Variants in P2RY12 observed in about 807,000 individuals in gnomAD.
P2RY12 encodes the protein P2Y purinoceptor 12.
Under a neutral mutation model 4.5 loss-of-function variants are expected in P2RY12, and 3 were observed. The observed-to-expected ratio is 0.67, with a 90% CI of 0.31 to 1.74. The LOEUF (loss-of-function observed/expected upper bound fraction) is 1.74, where lower values mean the gene tolerates loss of function less well. P2RY12 is among the 40% of genes most tolerant of loss of function. The pLI, the probability that P2RY12 is intolerant of heterozygous loss-of-function variation, is 0.09. For missense variants in P2RY12, 356 were observed against 407.8 expected (o/e 0.87, Z 1.09); for synonymous variants, 148 against 154.1 (o/e 0.96, Z 0.29).
chr3:151,350,325 C>G, intron 1 of P2RY12: 2 of 886,742 alleles, frequency 2.3e-6, no homozygotes, highest in Non-Finnish European at 3.2e-6. Context: ...CTGAATGACT[C>G]TCACATTGAA....
chr3:151,349,352 G>A (rs1171688483), intron 1 of P2RY12, among the ~76,000 whole-genome samples: 2 of 152,110 alleles, frequency 1.3e-5, no homozygotes, highest in African/African-American at 4.8e-5. Flanking sequence ...TGCATTTTCA[G>A]CTGTTTGCCT....
chr3:151,381,386 C>T (rs552330439), intron 1 of P2RY12, among the ~76,000 whole-genome samples: 7 of 152,120 alleles, frequency 4.6e-5, no homozygotes, highest in East Asian at 1.9e-4. Context: ...ATAAAAAATT[C>T]GGGCTGATAA....
chr3:151,348,471 T>G (rs1041104323), intron 1 of P2RY12, among the ~76,000 whole-genome samples: 1 of 152,112 alleles, frequency 6.6e-6, no homozygotes, highest in Admixed American at 6.6e-5. Context: ...TCACTGCTTA[T>G]GTCATTTGTA....
intron 1 of P2RY12, chr3:151,357,400 T>G: frequency 6.5e-7 from 1 of 1,541,310 alleles, no homozygotes. Flanking sequence ...ATGTCATTGT[T>G]GTTTTTCCAA....
intron 1 of P2RY12, among the ~76,000 whole-genome samples, chr3:151,347,160 C>G (rs2149999434): frequency 6.6e-6 from 1 of 152,142 alleles, no homozygotes; most frequent in African/African-American, 2.4e-5. Flanking sequence ...AACTTTTTTA[C>G]TCTAGCTTTG....
intron 1 of P2RY12, among the ~76,000 whole-genome samples, chr3:151,351,603 G>A (rs1753245630): frequency 6.6e-6 from 1 of 152,180 alleles, no homozygotes; most frequent in South Asian, 2.1e-4. Context: ...GTTGCATTTA[G>A]AAGATTGAAT....
chr3:151,361,778 G>C (rs2150082298), intron 1 of P2RY12, among the ~76,000 whole-genome samples: 1 of 152,174 alleles, frequency 6.6e-6, no homozygotes, highest in South Asian at 2.1e-4. Context: ...TTTGCATGCT[G>C]ACTTCTTCAC....
At chr3:151,372,597 G>A (rs775604308) in intron 1 of P2RY12, 1 of 1,613,818 alleles carries the variant, frequency 6.2e-7, no homozygotes, top group African/African-American at 1.3e-5. Flanking sequence ...AACAGTGTCA[G>A]CTCTTTAAAG....
At chr3:151,354,841 A>G (rs1352660528) in intron 1 of P2RY12, among the ~76,000 whole-genome samples, 2 of 152,216 alleles carry the variant, frequency 1.3e-5, no homozygotes, top group East Asian at 3.8e-4. Context: ...GATTTCCTTT[A>G]TATATAAAGT....
chr3:151,370,095 A>T (rs887301997), intron 1 of P2RY12, among the ~76,000 whole-genome samples: 4 of 152,070 alleles, frequency 2.6e-5, no homozygotes, highest in Admixed American at 1.3e-4. Flanking sequence ...TTTCACAATA[A>T]TTTTTTTCAT....
intron 1 of P2RY12, among the ~76,000 whole-genome samples, chr3:151,360,816 A>G (rs1754513799): frequency 6.6e-6 from 1 of 152,148 alleles, no homozygotes; most frequent in Non-Finnish European, 1.5e-5. Context: ...TAAATGTGTG[A>G]TCATAGGTTT....
intron 1 of P2RY12, among the ~76,000 whole-genome samples, chr3:151,371,889 T>G (rs1034098070): frequency 1.3e-5 from 2 of 152,224 alleles, no homozygotes; most frequent in African/African-American, 4.8e-5. Context: ...TTCCCAGAAC[T>G]TTGTTATGAA....
intron 1 of P2RY12, among the ~76,000 whole-genome samples, chr3:151,365,465 A>G (rs1028752605): frequency 2.6e-5 from 4 of 152,236 alleles, no homozygotes; most frequent in Non-Finnish European, 5.9e-5. Context: ...TTTCAAAAAC[A>G]TATAATAAAA....
chr3:151,360,159 T>A (rs1182976173), intron 1 of P2RY12, among the ~76,000 whole-genome samples: 2 of 152,148 alleles, frequency 1.3e-5, no homozygotes, highest in Non-Finnish European at 2.9e-5. Flanking sequence ...CTACAACAGT[T>A]TTCCTTTTGT....
intron 1 of P2RY12, among the ~76,000 whole-genome samples, chr3:151,382,988 A>G (rs997056892): frequency 7.9e-5 from 12 of 152,098 alleles, no homozygotes; most frequent in African/African-American, 2.9e-4. Flanking sequence ...CTCTACCTCT[A>G]CCCCAGTGAA....
chr3:151,377,529 G>T (rs1313334364), intron 1 of P2RY12, among the ~76,000 whole-genome samples: 3 of 152,004 alleles, frequency 2.0e-5, no homozygotes, highest in Non-Finnish European at 4.4e-5. Context: ...GGTAATTTTT[G>T]TGCAGAATTA....
intron 1 of P2RY12, among the ~76,000 whole-genome samples, chr3:151,343,226 A>G (rs2149973486): frequency 6.6e-6 from 1 of 152,312 alleles, no homozygotes; most frequent in South Asian, 2.1e-4. Context: ...AAGACCATCA[A>G]ATGAAACAAG....
At chr3:151,366,473 T>C (rs1755286648) in intron 1 of P2RY12, among the ~76,000 whole-genome samples, 1 of 152,210 alleles carries the variant, frequency 6.6e-6, no homozygotes, top group Admixed American at 6.5e-5. Context: ...GTCCGGTGTT[T>C]TTTGGCAATT....
chr3:151,378,263 A>G, intron 1 of P2RY12: 1 of 1,275,350 alleles, frequency 7.8e-7, no homozygotes, highest in Non-Finnish European at 1.0e-6. Flanking sequence ...CACTGTACCC[A>G]CAGTCCACTG....
Sources: gnomAD v4.1 joint callset for allele counts (sites outside exome capture counted in the v4.1 genomes callset) on GRCh38, gnomAD v4.1.1 for gene constraint, MANE v1.5 for transcripts, NCBI Gene and HGNC (gene_info 2026-07-23, HGNC 2026-07-21) for gene names.